SAMD4A: variants seen among roughly 807,000 people sequenced by gnomAD.
SAMD4A encodes protein Smaug homolog 1.
In SAMD4A, 33 loss-of-function variants were observed where a neutral mutation model predicts 81.3. The ratio of observed to expected loss-of-function variants is 0.41; its 90% CI spans 0.31 to 0.54. SAMD4A has a LOEUF of 0.54. Among genes scored for constraint, SAMD4A ranks in the 20% least tolerant of loss-of-function variants. The probability of loss-of-function intolerance (pLI) is 0.37; values close to 1 mark genes in which losing one functional copy is unlikely to be tolerated. For synonymous variants in SAMD4A, 389 were observed against 382.1 expected (o/e 1.02, Z -0.21); for missense variants, 854 against 951.1 (o/e 0.90, Z 1.34).
chr14:54,745,261 C>T (rs2037939108), intron 4 of SAMD4A, among the ~76,000 whole-genome samples: 1 of 152,220 alleles, frequency 6.6e-6, no homozygotes, highest in Non-Finnish European at 1.5e-5. Context: ...TCTCTTTGTT[C>T]AGCATTGCAT....
chr14:54,687,248 A>C, intron 2 of SAMD4A: 1 of 408,752 alleles, frequency 2.4e-6, no homozygotes, highest in Non-Finnish European at 4.8e-6. Context: ...GAAAGAGAAA[A>C]GATGGATCCT....
intron 2 of SAMD4A, among the ~76,000 whole-genome samples, chr14:54,620,273 G>A (rs1015347364): frequency 2.0e-5 from 3 of 151,954 alleles, no homozygotes; most frequent in Admixed American, 6.6e-5. Context: ...CCCCTCATAG[G>A]GTTGTTTTGA....
At chr14:54,592,471 G>C (rs1459853025) in intron 2 of SAMD4A, among the ~76,000 whole-genome samples, 2 of 150,618 alleles carry the variant, frequency 1.3e-5, no homozygotes, top group Non-Finnish European at 3.0e-5. Flanking sequence ...TTCTTTTTTT[G>C]TTTTTTGATA....
chr14:54,675,387 A>AAAAAAAAAAAAG (rs57308998), intron 2 of SAMD4A, among the ~76,000 whole-genome samples: 1 of 142,490 alleles, frequency 7.0e-6, no homozygotes, highest in Non-Finnish European at 1.5e-5. Flanking sequence ...AAAAAAAAAA[A>AAAAAAAAAAAAG]GGCAGAGAAT....
intron 2 of SAMD4A, among the ~76,000 whole-genome samples, chr14:54,591,304 A>T (rs1284853966): frequency 6.6e-6 from 1 of 152,098 alleles, no homozygotes; most frequent in Admixed American, 6.6e-5. Context: ...CGTGGTTTTC[A>T]CAGTATTAGG....
chr14:54,692,676 T>C (rs935412002), intron 2 of SAMD4A, among the ~76,000 whole-genome samples: 1 of 152,170 alleles, frequency 6.6e-6, no homozygotes, highest in Non-Finnish European at 1.5e-5. Context: ...CGCTGAAGAT[T>C]AGAGAGTGGG....
At chr14:54,672,449 C>T (rs554478545) in intron 2 of SAMD4A, among the ~76,000 whole-genome samples, 3 of 152,254 alleles carry the variant, frequency 2.0e-5, no homozygotes, top group East Asian at 3.9e-4. Context: ...TCCTCTTCTA[C>T]CTATCTATAG....
chr14:54,777,621 C>T (rs1308811652), intron 11 of SAMD4A, among the ~76,000 whole-genome samples: 1 of 152,020 alleles, frequency 6.6e-6, no homozygotes, highest in African/African-American at 2.4e-5. Context: ...GGGGATTCCT[C>T]CACATGGGGG....
At chr14:54,665,093 G>A (rs773508094) in intron 2 of SAMD4A, among the ~76,000 whole-genome samples, 25 of 151,992 alleles carry the variant, frequency 1.6e-4, no homozygotes, top group African/African-American at 2.4e-5. Context: ...ACAACTGCAG[G>A]AAAAAATGTG....
At chr14:54,725,354 G>T (rs982774238) in intron 3 of SAMD4A, among the ~76,000 whole-genome samples, 2 of 152,174 alleles carry the variant, frequency 1.3e-5, no homozygotes. Context: ...CACTTAAAAT[G>T]TGTGAGAGGA....
chr14:54,617,227 A>G (rs1342307826), intron 2 of SAMD4A, among the ~76,000 whole-genome samples: 1 of 152,200 alleles, frequency 6.6e-6, no homozygotes, highest in Non-Finnish European at 1.5e-5. Flanking sequence ...AGGATAAAAT[A>G]TGGTATTTCT....
intron 2 of SAMD4A, chr14:54,694,883 G>A (rs922302442): frequency 1.0e-6 from 1 of 985,570 alleles, no homozygotes; most frequent in Non-Finnish European, 1.2e-6. Context: ...ACTACAGATG[G>A]AAAGTCTCCA....
At chr14:54,621,683 A>G (rs764480719) in intron 2 of SAMD4A, among the ~76,000 whole-genome samples, 1 of 152,154 alleles carries the variant, frequency 6.6e-6, no homozygotes, top group Non-Finnish European at 1.5e-5. Context: ...TTTGATGTAC[A>G]TAAGCATTCC....
intron 4 of SAMD4A, among the ~76,000 whole-genome samples, chr14:54,739,664 G>A (rs913377348): frequency 6.6e-6 from 1 of 152,134 alleles, no homozygotes; most frequent in Non-Finnish European, 1.5e-5. Context: ...AAGTGTCACG[G>A]GCCAGTATTT....
At chr14:54,626,053 TGTGTGTGCGCGC>T (rs757491450) in intron 2 of SAMD4A, among the ~76,000 whole-genome samples, 4,540 of 119,964 alleles carry the variant, frequency 0.038, 73 homozygotes, top group Non-Finnish European at 0.049. Flanking sequence ...TGTGTGTGTG[TGTGTGTGCGCGC>T]GCGCGCGCGC....
At chr14:54,682,575 T>C (rs2036153080) in intron 2 of SAMD4A, among the ~76,000 whole-genome samples, 1 of 152,216 alleles carries the variant, frequency 6.6e-6, no homozygotes, top group Non-Finnish European at 1.5e-5. Flanking sequence ...CATACTGTAT[T>C]TGAAGCATTT....
intron 7 of SAMD4A, among the ~76,000 whole-genome samples, chr14:54,764,195 G>A (rs1002869948): frequency 6.6e-6 from 1 of 152,220 alleles, no homozygotes; most frequent in Non-Finnish European, 1.5e-5. Context: ...TCTTATTGCA[G>A]TGTCTTATTG....
At position 54,574,826 on chromosome 14, in the gene SAMD4A, C is replaced by T. The variant is rs905372954; in HGVS notation, c.196+6714C>T. ...GACCAGTTCTCAAAATTTAGTTGCA[C>T]GCAGATCACTTTGGAATCTTGTACT... On this transcript the variant is annotated intron_variant, in intron 2 of 12. Coordinates refer to ENST00000554335, the MANE Select transcript of SAMD4A (RefSeq NM_015589.6). 9.2e-5 allele frequency among the ~76,000 whole-genome samples: 14 copies of T among 152,146 alleles called. No individual in the cohort carries two copies. In the South Asian group the frequency reaches 1.0e-3, roughly 11 times the overall value.
chr14:54,629,655 G>T (rs2034846109), intron 2 of SAMD4A, among the ~76,000 whole-genome samples: 1 of 151,544 alleles, frequency 6.6e-6, no homozygotes. Context: ...TAAGTATTTG[G>T]CTTAAAAATT....
Sources: gnomAD v4.1 joint callset for allele counts (sites outside exome capture counted in the v4.1 genomes callset) on GRCh38, gnomAD v4.1.1 for gene constraint, MANE v1.5 for transcripts, NCBI Gene and HGNC (gene_info 2026-07-23, HGNC 2026-07-21) for gene names.